Variants in UHRF1 observed in about 807,000 individuals in gnomAD.
UHRF1 encodes the protein E3 ubiquitin-protein ligase UHRF1.
Under a neutral mutation model 96.5 loss-of-function variants are expected in UHRF1, and 9 were observed. That is an observed-to-expected ratio of 0.09 (90% confidence interval 0.06 to 0.16). The LOEUF (loss-of-function observed/expected upper bound fraction) is 0.16. Among genes scored for constraint, UHRF1 ranks in the 10% least tolerant of loss-of-function variants. The pLI is 1.00. For missense variants in UHRF1, 626 were observed against 1,131.1 expected (o/e 0.55, Z 6.40); for synonymous variants, 455 against 469.9 (o/e 0.97, Z 0.41).
chr19:4,951,050 T>G (rs2033704378), intron 13 of UHRF1, 54 bp downstream of exon 13: 7 of 1,513,156 alleles, frequency 4.6e-6, no homozygotes, highest in Non-Finnish European at 6.2e-6. Flanking sequence ...ATGGATCACT[T>G]ACGTTAGGAG....
chr19:4,936,803 C>CAAAAAAAAAAAAAAAAATAAAA (rs200751668), intron 5 of UHRF1, among the ~76,000 whole-genome samples: 1 of 69,812 alleles, frequency 1.4e-5, no homozygotes. Flanking sequence ...AGAGAGTCTG[C>CAAAAAAAAAAAAAAAAATAAAA]AAAAAAAAAA....
rs112233598 is a variant in UHRF1, at chr19:4,946,282, G to A, written c.1410+317G>A. ...CTGGGAGTGGAATCGCACGGCCTGC[G>A]TCCTTGCATGCCTGGCTCCTCTCAC... On this transcript the variant is annotated intron_variant, in intron 10 of 16. Transcript: ENST00000650932. 4.0e-3 allele frequency among the ~76,000 whole-genome samples: 615 copies of A among 152,102 alleles called. 3 individuals are homozygous for A. Among genetic ancestry groups the A allele is most frequent in the African/African-American group, 0.013 (558 of 41,478 alleles).
rs17879324 is a variant in UHRF1, at chr19:4,961,782, A to G, written c.*979A>G. 1.5e-5 allele frequency: 2 copies of G among 136,950 alleles called. No homozygotes were observed. The highest frequency in any genetic ancestry group is 3.3e-5 in the Non-Finnish European group (2 of 59,936). 8.5% of individuals were successfully genotyped at this position (136,950 alleles called of 1,614,324 possible). ...GAACTTACAAGAGGGTTTTTTTAAA[A>G]TTTTTTTTTCTCTTAATGAACACAT... On this transcript the variant is annotated 3_prime_UTR_variant, in exon 17 of 17. Coordinates refer to ENST00000650932, the MANE Select transcript of UHRF1 (RefSeq NM_001048201.3).
chr19:4,956,130 C>T (rs1423216317), intron 15 of UHRF1, among the ~76,000 whole-genome samples: 5 of 152,104 alleles, frequency 3.3e-5, no homozygotes, highest in African/African-American at 1.2e-4. Context: ...GGGATTTCAC[C>T]GTGTTGGTCA....
chr19:4,906,609 C>G (rs958710970), upstream of UHRF1, among the ~76,000 whole-genome samples: 1 of 152,016 alleles, frequency 6.6e-6, no homozygotes, highest in Non-Finnish European at 1.5e-5. Flanking sequence ...AAAAATTAGC[C>G]GGACATGGTG....
intron 7 of UHRF1, 82 bp downstream of exon 7, chr19:4,942,013 G>C: frequency 7.3e-7 from 1 of 1,373,288 alleles, no homozygotes. Flanking sequence ...ATACAGGAGA[G>C]GGGCAGGCGC....
chr19:4,935,611 TG>T (rs1440953556), intron 5 of UHRF1, among the ~76,000 whole-genome samples: 1 of 152,032 alleles, frequency 6.6e-6, no homozygotes, highest in Non-Finnish European at 1.5e-5. Flanking sequence ...TGCAGTTCCT[TG>T]CCCCATGGGC....
chr19:4,914,491 T>A (rs1341874188), intron 2 of UHRF1, among the ~76,000 whole-genome samples: 1 of 151,966 alleles, frequency 6.6e-6, no homozygotes, highest in African/African-American at 2.4e-5. Context: ...GTTGGGTCTG[T>A]CTCGGAATAT....
chr19:4,918,505 C>T (rs1042527370), intron 2 of UHRF1, among the ~76,000 whole-genome samples: 1 of 151,566 alleles, frequency 6.6e-6, no homozygotes, highest in African/African-American at 2.4e-5. Context: ...GCAACCTCCA[C>T]CTCCCGGGTT....
intron 5 of UHRF1, among the ~76,000 whole-genome samples, chr19:4,933,350 G>GGACTAC (rs1341697916): frequency 6.6e-6 from 1 of 152,096 alleles, no homozygotes; most frequent in Non-Finnish European, 1.5e-5. Context: ...CGAGTAGCTG[G>GGACTAC]GACTACAGGC....
rs529646617 is a variant in UHRF1 at position 4,956,848 on chromosome 19, G to A, written c.2235+35G>A. 54 of 1,483,838 alleles carry A rather than the reference G, an allele frequency of 3.6e-5. No homozygotes were observed. In the South Asian group the frequency reaches 6.3e-4, roughly 17 times the overall value. The allele number at this position is 1,483,838 out of a possible 1,614,324, so 91.9% of individuals were successfully genotyped here. A position where few individuals can be genotyped will look rare whatever the true frequency, so the allele number is the denominator to read the frequency against. Reference sequence around the variant, plus strand: ...GATGGCCGCGGGAGCCGGGTGGAAGGTTCTGGAAGGATGACCTGACCTCCC... The same window carrying A: ...GATGGCCGCGGGAGCCGGGTGGAAGATTCTGGAAGGATGACCTGACCTCCC... On this transcript the variant is annotated intron_variant, in intron 16 of 16. Coordinates refer to ENST00000650932, the MANE Select transcript of UHRF1 (RefSeq NM_001048201.3).
intron 11 of UHRF1, among the ~76,000 whole-genome samples, chr19:4,949,449 A>G (rs991269476): frequency 1.3e-5 from 2 of 150,298 alleles, no homozygotes; most frequent in African/African-American, 2.5e-5. Context: ...TTTTCATACC[A>G]TTATCTAAAA....
In UHRF1 at chr19:4,945,979, T is replaced by TGGGGGGG; in HGVS notation, c.1410+17_1410+18insGGGGGGG. On this transcript the variant is annotated intron_variant, in intron 10 of 16. Transcript: ENST00000650932. ...GAGGATGATGTGGTGAGTGTGTGTG[T>TGGGGGGG]GGGAGGGGTGGGGGAGGGTTGCTCT... 1 of 576,934 alleles carries TGGGGGGG rather than the reference T, an allele frequency of 1.7e-6. No homozygotes were observed. Among genetic ancestry groups the TGGGGGGG allele is most frequent in the Non-Finnish European group, 2.8e-6 (1 of 358,748 alleles). 35.7% of individuals were successfully genotyped at this position (576,934 alleles called of 1,614,324 possible).
chr19:4,953,852 C>T (rs2145211239), intron 13 of UHRF1, among the ~76,000 whole-genome samples: 1 of 152,250 alleles, frequency 6.6e-6, no homozygotes, highest in Admixed American at 6.5e-5. Flanking sequence ...TCAAGACCAG[C>T]CTGGCCAACA....
At chr19:4,911,272 G>A (rs2032264578) in intron 2 of UHRF1, among the ~76,000 whole-genome samples, 1 of 152,190 alleles carries the variant, frequency 6.6e-6, no homozygotes, top group African/African-American at 2.4e-5. Context: ...CGAATCTATA[G>A]GGTCTGGGCT....
intron 2 of UHRF1, among the ~76,000 whole-genome samples, chr19:4,916,536 G>C (rs2032508759): frequency 6.6e-6 from 1 of 152,110 alleles, no homozygotes; most frequent in Non-Finnish European, 1.5e-5. Flanking sequence ...GCCGCTCTAG[G>C]GTCTGTCCTC....
chr19:4,913,049 G>A (rs758157556), intron 2 of UHRF1, among the ~76,000 whole-genome samples: 51 of 151,822 alleles, frequency 3.4e-4, no homozygotes, highest in Admixed American at 5.3e-4. Context: ...CTACAGTGCC[G>A]GACCTAAAAG....
At chr19:4,928,681 C>CGG (rs2032948193) in intron 2 of UHRF1, among the ~76,000 whole-genome samples, 1 of 152,178 alleles carries the variant, frequency 6.6e-6, no homozygotes, top group Non-Finnish European at 1.5e-5. Flanking sequence ...GGGACAGGGT[C>CGG]TCTCTGTCTC....
At chr19:4,940,227 C>A (rs1390317684) in intron 5 of UHRF1, among the ~76,000 whole-genome samples, 1 of 151,782 alleles carries the variant, frequency 6.6e-6, no homozygotes, top group Admixed American at 6.6e-5. Context: ...ACATACACAG[C>A]GTGTGTTCAA....
Sources: allele counts gnomAD v4.1 joint callset (sites outside exome capture counted in the v4.1 genomes callset), GRCh38; gene constraint gnomAD v4.1.1; transcripts MANE v1.5; gene names NCBI Gene and HGNC (gene_info 2026-07-23, HGNC 2026-07-21).